IFNGR2: variants seen among roughly 807,000 people sequenced by gnomAD.
IFNGR2 encodes interferon gamma receptor 2.
IFNGR2 carries 15 observed loss-of-function variants against 41.1 expected under a neutral mutation model. That is an observed-to-expected ratio of 0.37 (90% CI 0.24 to 0.56). The LOEUF (loss-of-function observed/expected upper bound fraction) is 0.56, where lower values mean the gene tolerates loss of function less well. IFNGR2 is among the 20% of genes least tolerant of loss of function. The probability of loss-of-function intolerance (pLI) is 0.81; values close to 1 mark genes in which losing one functional copy is unlikely to be tolerated. For synonymous variants in IFNGR2, 161 were observed against 171.6 expected (o/e 0.94, Z 0.48); for missense variants, 362 against 415.7 (o/e 0.87, Z 1.12).
intron 6 of IFNGR2, 113 bp downstream of exon 6, chr21:33,432,984 C>A (rs982302588): frequency 3.4e-6 from 3 of 881,808 alleles, no homozygotes; most frequent in South Asian, 1.4e-5. Flanking sequence ...CTCCCAGGTT[C>A]AAGCGATTCT....
intron 1 of IFNGR2, among the ~76,000 whole-genome samples, chr21:33,406,235 G>A (rs1038779623): frequency 2.6e-5 from 4 of 151,958 alleles, no homozygotes; most frequent in Non-Finnish European, 4.4e-5. Flanking sequence ...AATTACCCGG[G>A]CGTGGTGGTT....
intron 6 of IFNGR2, among the ~76,000 whole-genome samples, chr21:33,436,167 A>C (rs2083948122): frequency 2.0e-3 from 1 of 510 alleles, no homozygotes; most frequent in Non-Finnish European, 3.6e-3. Flanking sequence ...AGACAGCCTG[A>C]CCAACATGGG....
rs17885148 is a variant in IFNGR2 at position 33,418,347 on chromosome 21, C to T, written c.207-3133C>T. Among the ~76,000 whole-genome samples, 638 of 152,254 alleles carry T rather than the reference C, an allele frequency of 4.2e-3. 6 individuals carry two copies. Among genetic ancestry groups the T allele is most frequent in the African/African-American group, 0.015 (610 of 41,544 alleles). ...CTGGAATTATAGGTGTAAGCCATCACGCCCAGCCTAGAGGTTGGTTTTAGT... is the reference window on the plus strand; with the variant it reads ...CTGGAATTATAGGTGTAAGCCATCATGCCCAGCCTAGAGGTTGGTTTTAGT... On this transcript the variant is annotated intron_variant, in intron 2 of 6. Coordinates refer to ENST00000290219, the MANE Select transcript of IFNGR2 (RefSeq NM_005534.4).
At chr21:33,426,811 A>ATATAATACATTGTATTATATC (rs2083840263) in intron 3 of IFNGR2, 73 bp from the exon 4 acceptor site, 11 of 1,019,294 alleles carry the variant, frequency 1.1e-5, no homozygotes, top group African/African-American at 8.2e-5. Flanking sequence ...ATATAGCATT[A>ATATAATACATTGTATTATATC]TATAATACAT....
At chr21:33,429,649 G>A (rs1204253598) in intron 4 of IFNGR2, among the ~76,000 whole-genome samples, 4 of 152,162 alleles carry the variant, frequency 2.6e-5, no homozygotes, top group Non-Finnish European at 4.4e-5. Context: ...TGTCTGCCAG[G>A]GAGGCTTATG....
chr21:33,415,858 G>A (rs2083749907), intron 2 of IFNGR2, among the ~76,000 whole-genome samples: 1 of 152,156 alleles, frequency 6.6e-6, no homozygotes, highest in Non-Finnish European at 1.5e-5. Context: ...GTGCATGTGT[G>A]TCTGTTTGTT....
intron 1 of IFNGR2, among the ~76,000 whole-genome samples, chr21:33,408,135 T>C (rs2083691162): frequency 6.6e-6 from 1 of 152,150 alleles, no homozygotes; most frequent in African/African-American, 2.4e-5. Flanking sequence ...TTTTATTTTA[T>C]TATCTGTGTG....
At chr21:33,414,771 C>A in intron 1 of IFNGR2, 117 bp from the exon 2 acceptor site, 1 of 1,288,980 alleles carries the variant, frequency 7.8e-7, no homozygotes, top group Non-Finnish European at 1.1e-6. Flanking sequence ...CATTTCTGCA[C>A]TTTGACAAAA....
At chr21:33,432,638 C>A in intron 5 of IFNGR2, 76 bp from the exon 6 acceptor site, 2 of 1,502,310 alleles carry the variant, frequency 1.3e-6, no homozygotes, top group Non-Finnish European at 1.9e-6. Context: ...CTTTAAGCAG[C>A]ATGGATGGAA....
chr21:33,415,983 G>A (rs1468526020), intron 2 of IFNGR2, among the ~76,000 whole-genome samples: 1 of 152,190 alleles, frequency 6.6e-6, no homozygotes, highest in Non-Finnish European at 1.5e-5. Flanking sequence ...TGCCTCCTGA[G>A]TAGCTGGGAC....
intron 1 of IFNGR2, 45 bp from the exon 2 acceptor site, chr21:33,414,839 CCTCT>C: frequency 6.4e-7 from 1 of 1,553,910 alleles, no homozygotes; most frequent in Non-Finnish European, 8.7e-7. Context: ...TAATTATTTC[CCTCT>C]CTCTCCTCCC....
Position 33,436,772 on chromosome 21 carries a change from G to A in IFNGR2, c.880-56G>A. The stretch of plus-strand genomic sequence containing the variant: ...TAAAAACAAAAACTAAAGTTAAAAG[G>A]TCTGGTATACTGAACTGGTAAACTA... On this transcript the variant is annotated intron_variant, in intron 6 of 6. Transcript: ENST00000290219. The A allele has an allele frequency of 2.1e-6, 3 of 1,421,560 alleles. No homozygotes were observed. The Admixed American group carries it at 5.1e-5, about 24-fold the overall frequency. 88.1% of individuals were successfully genotyped at this position (1,421,560 alleles called of 1,614,324 possible).
chr21:33,416,196 C>T (rs1009010641), intron 2 of IFNGR2, among the ~76,000 whole-genome samples: 2 of 151,976 alleles, frequency 1.3e-5, no homozygotes, highest in Non-Finnish European at 2.9e-5. Flanking sequence ...GATAATTCAA[C>T]CCCCCATCAA....
At chr21:33,417,005 C>T (rs1272099427) in intron 2 of IFNGR2, among the ~76,000 whole-genome samples, 2 of 150,598 alleles carry the variant, frequency 1.3e-5, no homozygotes, top group Admixed American at 6.6e-5. Flanking sequence ...ACTGGACCTC[C>T]GCCTCCCAGG....
intron 3 of IFNGR2, among the ~76,000 whole-genome samples, chr21:33,424,249 C>T (rs8133431): frequency 0.2 from 30,216 of 151,514 alleles, 3,662 homozygotes; most frequent in East Asian, 0.42. Flanking sequence ...TGCAGTGGGC[C>T]AAGATGACAC....
At chr21:33,410,123 A>C (rs917197049) in intron 1 of IFNGR2, among the ~76,000 whole-genome samples, 1 of 152,108 alleles carries the variant, frequency 6.6e-6, no homozygotes, top group Non-Finnish European at 1.5e-5. Context: ...GAGGTTCTCA[A>C]GAGGCAAGAA....
chr21:33,412,413 T>G (rs1289350138), intron 1 of IFNGR2, among the ~76,000 whole-genome samples: 1 of 152,336 alleles, frequency 6.6e-6, no homozygotes, highest in East Asian at 1.9e-4. Context: ...GCACTAAGTC[T>G]ATGAGTAACT....
chr21:33,427,844 CTT>C (rs71194844), intron 4 of IFNGR2, among the ~76,000 whole-genome samples: 1 of 125,478 alleles, frequency 8.0e-6, no homozygotes, highest in Non-Finnish European at 1.6e-5. Flanking sequence ...CTCATTTCAT[CTT>C]TTTTTTTTTT....
chr21:33,432,440 G>C (rs936270269), intron 5 of IFNGR2, 104 bp downstream of exon 5: 1 of 1,133,376 alleles, frequency 8.8e-7, no homozygotes, highest in Non-Finnish European at 1.3e-6. Context: ...GGAGTGGGGA[G>C]ACCCAGTGAG....
Sources: gnomAD v4.1 joint callset for allele counts (sites outside exome capture counted in the v4.1 genomes callset) on GRCh38, gnomAD v4.1.1 for gene constraint, MANE v1.5 for transcripts, NCBI Gene and HGNC (gene_info 2026-07-23, HGNC 2026-07-21) for gene names.